The following BRINP2 variants were observed in gnomAD, a reference collection of about 807,000 sequenced individuals.
BRINP2 encodes BMP/retinoic acid inducible neural specific 2, also known as BMP/retinoic acid-inducible neural-specific protein 2.
Under a neutral mutation model 69.2 loss-of-function variants are expected in BRINP2, and 21 were observed. The observed-to-expected ratio is 0.30, with a 90% confidence interval of 0.22 to 0.44. The LOEUF is 0.44. Ranked by LOEUF, BRINP2 falls within the 20% of genes least tolerant of loss-of-function variation. The probability of loss-of-function intolerance (pLI) is 1.00; values close to 1 mark genes in which losing one functional copy is unlikely to be tolerated. For synonymous variants in BRINP2, 380 were observed against 394.1 expected (o/e 0.96, Z 0.42); for missense variants, 877 against 986.0 (o/e 0.89, Z 1.48).
chr1:177,189,488 T>C (rs1024016392), intron 1 of BRINP2, among the ~76,000 whole-genome samples: 2 of 152,138 alleles, frequency 1.3e-5, no homozygotes, highest in Non-Finnish European at 1.5e-5. Context: ...AAAAGGACCA[T>C]AGCCAACGAT....
At chr1:177,209,034 AACACAGAAGTGGCAGGGCC>A (rs1649148762) in intron 1 of BRINP2, among the ~76,000 whole-genome samples, 1 of 152,030 alleles carries the variant, frequency 6.6e-6, no homozygotes, top group Admixed American at 6.6e-5. Flanking sequence ...TAAGAGGTAA[AACACAGAAGTGGCAGGGCC>A]CTGTGTGTGA....
At chr1:177,273,370 C>G in intron 4 of BRINP2, 118 bp from the exon 5 acceptor site, 1 of 613,086 alleles carries the variant, frequency 1.6e-6, no homozygotes, top group Admixed American at 3.1e-5. Flanking sequence ...GGACGTATCA[C>G]TTCTACAGCT....
chr1:177,192,634 C>T (rs1490792845), intron 1 of BRINP2, among the ~76,000 whole-genome samples: 1 of 152,156 alleles, frequency 6.6e-6, no homozygotes, highest in Admixed American at 6.5e-5. Flanking sequence ...ACTTTTATTA[C>T]TACCAATGAC....
At chr1:177,274,716 AG>A (rs943908335) in intron 5 of BRINP2, among the ~76,000 whole-genome samples, 4 of 152,092 alleles carry the variant, frequency 2.6e-5, no homozygotes, top group African/African-American at 9.7e-5. Flanking sequence ...GGTGAGGAGG[AG>A]GGAAGTGATG....
chr1:177,275,449 A>G (rs1651460900), intron 5 of BRINP2, among the ~76,000 whole-genome samples: 1 of 152,210 alleles, frequency 6.6e-6, no homozygotes, highest in Non-Finnish European at 1.5e-5. Context: ...AGCCAGTCCC[A>G]GTTATATAGT....
intron 1 of BRINP2, among the ~76,000 whole-genome samples, chr1:177,219,086 T>G (rs1412995887): frequency 6.6e-6 from 1 of 152,240 alleles, no homozygotes; most frequent in East Asian, 1.9e-4. Context: ...TAGAACAGCT[T>G]GCTCCCCATC....
At chr1:177,177,599 AT>A (rs1185917653) in intron 1 of BRINP2, among the ~76,000 whole-genome samples, 3 of 151,972 alleles carry the variant, frequency 2.0e-5, no homozygotes, top group Admixed American at 1.3e-4. Flanking sequence ...TTATTACTGT[AT>A]TTTCTAATCC....
intron 1 of BRINP2, among the ~76,000 whole-genome samples, chr1:177,181,301 C>T (rs73034428): frequency 0.024 from 3,610 of 152,112 alleles, 161 homozygotes; most frequent in African/African-American, 0.083. Flanking sequence ...TTTTTTTCTT[C>T]TGTTTTCATT....
intron 1 of BRINP2, among the ~76,000 whole-genome samples, chr1:177,209,086 A>G (rs528618871): frequency 9.0e-4 from 137 of 152,226 alleles, no homozygotes; most frequent in South Asian, 1.9e-3. Context: ...TGTTCCGCTC[A>G]ACAACACAGG....
chr1:177,281,138 T>C lies in BRINP2; in HGVS notation c.1962T>C (p.Asp654=), dbSNP rs1053176889. 6.2e-7 allele frequency: 1 copy of C among 1,614,236 alleles called. No individual in the cohort carries two copies. The highest frequency in any genetic ancestry group is 8.5e-7 in the Non-Finnish European group (1 of 1,180,042). The change falls in exon 8 of 8, where the codon GAT becomes GAC. Residue 654 remains aspartate, a synonymous_variant. Coordinates refer to ENST00000361539, the MANE Select transcript of BRINP2 (RefSeq NM_021165.4). ...TACGGAGCCGAATCAAGTCCCTGGA[T>C]GACAGCTCCAATGAGACAATCTACT... The part of the protein sequence containing the change: ...VYLRSRIKSL[D]DSSNETIYYE...
intron 1 of BRINP2, among the ~76,000 whole-genome samples, chr1:177,215,706 G>A (rs1649356289): frequency 1.3e-5 from 2 of 151,982 alleles, no homozygotes; most frequent in South Asian, 4.1e-4. Flanking sequence ...CCTTATTGGT[G>A]TAATAAGGAA....
chr1:177,243,362 C>T (rs1308077230), intron 2 of BRINP2, among the ~76,000 whole-genome samples: 1 of 152,116 alleles, frequency 6.6e-6, no homozygotes, highest in African/African-American at 2.4e-5. Flanking sequence ...AAATCATTAA[C>T]AGTGACAGGT....
chr1:177,232,532 C>G (rs1316122788), intron 2 of BRINP2, among the ~76,000 whole-genome samples: 1 of 152,178 alleles, frequency 6.6e-6, no homozygotes, highest in Middle Eastern at 3.2e-3. Context: ...CACACCGCTG[C>G]TTCAGGAGCA....
In BRINP2 at chr1:177,183,137, CTTTTTTTTTT is replaced by C. The variant is rs71129597; in HGVS notation, c.-77+11421_-77+11430del. Among the ~76,000 whole-genome samples, 117 of 54,290 alleles carry C rather than the reference CTTTTTTTTTT, an allele frequency of 2.2e-3. 2 individuals are homozygous for C. Among genetic ancestry groups the C allele is most frequent in the Non-Finnish European group, 3.3e-3 (96 of 29,228 alleles). 35.6% of individuals were successfully genotyped at this position (54,290 alleles called of 152,430 possible). ...TTTCCAGGTGATGGCAGTGTGTGAG[CTTTTTTTTTT>C]TTTTTTTTTTTTTTTCTTTTTCTGC... is the stretch of plus-strand genomic sequence containing the variant. On this transcript the variant is annotated intron_variant, in intron 1 of 7. Coordinates refer to ENST00000361539, the MANE Select transcript of BRINP2 (RefSeq NM_021165.4).
chr1:177,235,600 A>G (rs1649996939), intron 2 of BRINP2, among the ~76,000 whole-genome samples: 1 of 152,184 alleles, frequency 6.6e-6, no homozygotes, highest in Non-Finnish European at 1.5e-5. Context: ...GGAGCTCCAG[A>G]GCTGATTTAT....
intron 1 of BRINP2, among the ~76,000 whole-genome samples, chr1:177,183,562 T>G (rs1648328876): frequency 6.6e-6 from 1 of 152,142 alleles, no homozygotes; most frequent in Admixed American, 6.5e-5. Context: ...GAGTCAGATA[T>G]TTGATCATAA....
intron 1 of BRINP2, among the ~76,000 whole-genome samples, chr1:177,214,655 G>A (rs1649324067): frequency 6.6e-6 from 1 of 152,158 alleles, no homozygotes; most frequent in African/African-American, 2.4e-5. Flanking sequence ...TCAGTGACCA[G>A]GATTACATGG....
intron 6 of BRINP2, among the ~76,000 whole-genome samples, chr1:177,277,305 T>C (rs1000137075): frequency 2.0e-4 from 31 of 151,864 alleles, no homozygotes; most frequent in African/African-American, 7.0e-4. Flanking sequence ...AAATAAAAAA[T>C]ATGTGATAAT....
At chr1:177,203,917 T>G (rs1272924309) in intron 1 of BRINP2, among the ~76,000 whole-genome samples, 1 of 152,114 alleles carries the variant, frequency 6.6e-6, no homozygotes, top group Non-Finnish European at 1.5e-5. Flanking sequence ...ACAGAGAGAT[T>G]CAAGGAAGGC....
Sources: allele counts gnomAD v4.1 joint callset (sites outside exome capture counted in the v4.1 genomes callset), GRCh38; gene constraint gnomAD v4.1.1; transcripts MANE v1.5; gene names NCBI Gene and HGNC (gene_info 2026-07-23, HGNC 2026-07-21).